FAM167A: variants seen among roughly 807,000 people sequenced by gnomAD.
FAM167A encodes family with sequence similarity 167 member A, also known as protein FAM167A.
Under a neutral mutation model 14.9 loss-of-function variants are expected in FAM167A, and 23 were observed. That is an observed-to-expected ratio of 1.55 (90% CI 1.11 to 2.19). The LOEUF (loss-of-function observed/expected upper bound fraction) is 2.19. Ranked by LOEUF, FAM167A falls within the 30% of genes most tolerant of loss-of-function variation. The pLI is 0.00. For missense variants in FAM167A, 401 were observed against 281.5 expected (o/e 1.42, Z -3.04); for synonymous variants, 174 against 117.7 (o/e 1.48, Z -3.10).
upstream of FAM167A, among the ~76,000 whole-genome samples, chr8:11,467,930 G>A (rs544036527): frequency 1.1e-4 from 17 of 152,372 alleles, no homozygotes; most frequent in Admixed American, 4.6e-4. Context: ...GTATTAACAA[G>A]CATCTTTTGG....
Position 11,422,379 on chromosome 8 carries a change from T to TGTGTGTGTGGGG in FAM167A, c.*1993_*1994insCCCCACACACAC, listed in dbSNP as rs1804811654. On this transcript the variant is annotated 3_prime_UTR_variant, in exon 3 of 3. Transcript: ENST00000284486. ...TCGTGTGTGTGTGTGTGGGGGTGTGTGTGTGTGTGTGTGTGTGTGTGTGTG... is the reference window on the plus strand; with the variant it reads ...TCGTGTGTGTGTGTGTGGGGGTGTGTGTGTGTGTGGGGGTGTGTGTGTGTGTGTGTGTGTGTG... 9.9e-6 allele frequency: 1 copy of TGTGTGTGTGGGG among 101,490 alleles called. No individual in the cohort carries two copies. The highest frequency in any genetic ancestry group is 2.0e-5 in the Non-Finnish European group (1 of 49,250). 6.3% of individuals were successfully genotyped at this position (101,490 alleles called of 1,614,324 possible).
upstream of FAM167A, chr8:11,467,449 T>A (rs1046174350): frequency 6.6e-6 from 1 of 152,644 alleles, no homozygotes; most frequent in African/African-American, 2.4e-5. Flanking sequence ...CAGTCCCAGC[T>A]TCTGACGAGG....
At chr8:11,427,937 C>G (rs1805298911) in intron 2 of FAM167A, among the ~76,000 whole-genome samples, 1 of 152,144 alleles carries the variant, frequency 6.6e-6, no homozygotes, top group African/African-American at 2.4e-5. Context: ...AATGGTGTCC[C>G]TCACTGAGCC....
upstream of FAM167A, among the ~76,000 whole-genome samples, chr8:11,472,554 G>C (rs1290418085): frequency 6.7e-6 from 1 of 148,332 alleles, no homozygotes; most frequent in Non-Finnish European, 1.5e-5. Context: ...ATTCTTGCAT[G>C]CACAGCATTT....
At chr8:11,452,514 G>C (rs1807066907) in intron 1 of FAM167A, among the ~76,000 whole-genome samples, 1 of 152,186 alleles carries the variant, frequency 6.6e-6, no homozygotes, top group African/African-American at 2.4e-5. Flanking sequence ...AGAGCATGAA[G>C]GAGTGAGCCT....
chr8:11,450,108 C>T (rs887288029), intron 1 of FAM167A, among the ~76,000 whole-genome samples: 7 of 152,206 alleles, frequency 4.6e-5, no homozygotes, highest in African/African-American at 1.4e-4. Flanking sequence ...CCTGTCCCGC[C>T]GGACACCATG....
At chr8:11,445,585 C>A (rs1420645101) in intron 1 of FAM167A, 1 of 985,580 alleles carries the variant, frequency 1.0e-6, no homozygotes, top group Non-Finnish European at 1.2e-6. Context: ...TTGGTAAAGA[C>A]TTCAGCTATG....
intron 2 of FAM167A, among the ~76,000 whole-genome samples, chr8:11,429,231 C>G (rs149936205): frequency 2.1e-3 from 322 of 152,314 alleles, no homozygotes; most frequent in African/African-American, 7.6e-3. Context: ...TTGTGAGTGG[C>G]TAATTTCACT....
chr8:11,444,488 G>C lies in FAM167A; in HGVS notation c.-77C>G. 1 of 1,495,864 alleles carries C rather than the reference G, an allele frequency of 6.7e-7. No homozygotes were observed. 92.7% of individuals were successfully genotyped at this position (1,495,864 alleles called of 1,614,324 possible). On this transcript the variant is annotated 5_prime_UTR_variant, in exon 2 of 3. Coordinates refer to ENST00000284486, the MANE Select transcript of FAM167A (RefSeq NM_053279.3). The stretch of plus-strand genomic sequence containing the variant: ...GGAGGCTTGGTGGGTGGCACAGTTG[G>C]GTCCCGCTCTGGGATGGCCTCATCC...
chr8:11,460,861 C>T lies in FAM167A; in HGVS notation c.-398+5765G>A, dbSNP rs76959738. On this transcript the variant is annotated intron_variant, in intron 1 of 2. Transcript: ENST00000284486. ...GGAAACAGGGAAACCTTGCTTGTCT[C>T]GCTGGGACATTATGAGAAAAGAATC... 7.8e-3 allele frequency among the ~76,000 whole-genome samples: 1,185 copies of T among 152,262 alleles called. 7 individuals carry two copies. The highest frequency in any genetic ancestry group is 0.013 in the Non-Finnish European group (885 of 68,018).
rs542744918 is a variant in FAM167A, at chr8:11,424,776, G to C, written c.382-140C>G. On this transcript the variant is annotated intron_variant, in intron 2 of 2. Transcript: ENST00000284486. ...GAAATATTAGCACTTTCCCTGCTCA[G>C]GGAGGTGAAAAGACACAGAAAGCAA... is the stretch of plus-strand genomic sequence containing the variant. 224 of 1,295,952 alleles carry C rather than the reference G, an allele frequency of 1.7e-4. No homozygotes were observed. In the African/African-American group the frequency reaches 3.0e-3, roughly 17 times the overall value. The allele number at this position is 1,295,952 out of a possible 1,614,324, so 80.3% of individuals were successfully genotyped here.
intron 1 of FAM167A, among the ~76,000 whole-genome samples, chr8:11,455,522 G>C (rs1585272591): frequency 6.9e-6 from 1 of 145,640 alleles, no homozygotes; most frequent in Non-Finnish European, 1.5e-5. Flanking sequence ...GTGTGGGGTG[G>C]TTGCCCTGCT....
At chr8:11,442,278 T>C (rs1027245750) in intron 2 of FAM167A, among the ~76,000 whole-genome samples, 4 of 152,072 alleles carry the variant, frequency 2.6e-5, no homozygotes, top group Non-Finnish European at 5.9e-5. Flanking sequence ...AGGCTGCACA[T>C]GAGAAGCACG....
chr8:11,468,674 G>T (rs779367772), upstream of FAM167A, among the ~76,000 whole-genome samples: 36 of 152,314 alleles, frequency 2.4e-4, no homozygotes, highest in Admixed American at 7.2e-4. Context: ...CGTGGTGAAT[G>T]CTCCAAGATC....
intron 2 of FAM167A, among the ~76,000 whole-genome samples, chr8:11,433,537 T>G (rs1260702068): frequency 6.6e-6 from 1 of 152,206 alleles, no homozygotes; most frequent in East Asian, 1.9e-4. Context: ...GGCAGAGATT[T>G]CTGGATGCAT....
intron 2 of FAM167A, among the ~76,000 whole-genome samples, chr8:11,429,230 G>A (rs890848721): frequency 1.3e-5 from 2 of 152,188 alleles, no homozygotes; most frequent in East Asian, 1.9e-4. Context: ...TTTGTGAGTG[G>A]CTAATTTCAC....
At chr8:11,466,761 C>T (rs144966116), upstream of FAM167A, 519 of 146,082 alleles carry the variant, frequency 3.6e-3, 4 homozygotes, top group Non-Finnish European at 5.3e-3. Flanking sequence ...CTCGGCGCTG[C>T]TCCTTTCGGA....
chr8:11,430,156 G>A (rs1418183084), intron 2 of FAM167A, among the ~76,000 whole-genome samples: 1 of 152,194 alleles, frequency 6.6e-6, no homozygotes, highest in African/African-American at 2.4e-5. Flanking sequence ...AGCGTGGCCT[G>A]GTGTCTCTCT....
At chr8:11,426,534 G>A (rs55983276) in intron 2 of FAM167A, among the ~76,000 whole-genome samples, 1 of 152,186 alleles carries the variant, frequency 6.6e-6, no homozygotes, top group South Asian at 2.1e-4. Context: ...AAGTGTCTGA[G>A]ACAGGTGTCA....
Sources: gnomAD v4.1 joint callset for allele counts (sites outside exome capture counted in the v4.1 genomes callset) on GRCh38, gnomAD v4.1.1 for gene constraint, MANE v1.5 for transcripts, NCBI Gene and HGNC (gene_info 2026-07-23, HGNC 2026-07-21) for gene names.